STRAP: variants seen among roughly 807,000 people sequenced by gnomAD.
STRAP encodes serine/threonine kinase receptor associated protein.
In STRAP, 16 loss-of-function variants were observed where a neutral mutation model predicts 47.0. That is an observed-to-expected ratio of 0.34 (90% CI 0.23 to 0.52). The LOEUF is 0.52. Ranked by LOEUF, STRAP falls within the 20% of genes least tolerant of loss-of-function variation. STRAP has a pLI of 0.96. For missense variants in STRAP, 293 were observed against 420.0 expected, an observed-to-expected ratio of 0.70 and a Z score of 2.64; for synonymous variants, 130 against 142.7, an observed-to-expected ratio of 0.91 and a Z score of 0.63.
rs563519886 is a variant in STRAP, at chr12:15,901,140, A to G, written c.991+128A>G. 1.7e-5 allele frequency: 10 copies of G among 596,044 alleles called. No homozygotes were observed. In the South Asian group the frequency reaches 1.8e-4, roughly 11 times the overall value. The allele number at this position is 596,044 out of a possible 1,614,324, so 36.9% of individuals were successfully genotyped here. A position where few individuals can be genotyped will look rare whatever the true frequency, so the allele number is the denominator to read the frequency against. Reference sequence around the variant, plus strand: ...CATATTTAAATAATGGAAACTTTAAATATTTATGCATGTATATATACATAT... The same window carrying G: ...CATATTTAAATAATGGAAACTTTAAGTATTTATGCATGTATATATACATAT... On this transcript the variant is annotated intron_variant, in intron 9 of 9. Coordinates refer to ENST00000419869, the MANE Select transcript of STRAP (RefSeq NM_007178.4).
intron 4 of STRAP, among the ~76,000 whole-genome samples, chr12:15,891,734 G>A (rs926568662): frequency 1.3e-5 from 2 of 152,168 alleles, no homozygotes; most frequent in African/African-American, 2.4e-5. Context: ...CCTGAGGTCA[G>A]GAGTTCAATA....
At position 15,903,124 on chromosome 12, in the gene STRAP, T is replaced by C; in HGVS notation, c.*146T>C. ...GAATTAGCTCCAGTGCTGGAACAAC[T>C]AACTAACTTGGTGTTACCTGTAAGT... On this transcript the variant is annotated 3_prime_UTR_variant, in exon 10 of 10. Transcript: ENST00000419869. 2 of 835,724 alleles carry C rather than the reference T, an allele frequency of 2.4e-6. No homozygotes were observed. The highest frequency in any genetic ancestry group is 3.4e-6 in the Non-Finnish European group (2 of 588,824). 51.8% of individuals were successfully genotyped at this position (835,724 alleles called of 1,614,324 possible).
intron 4 of STRAP, among the ~76,000 whole-genome samples, chr12:15,892,072 C>G (rs1360065488): frequency 6.6e-6 from 1 of 152,068 alleles, no homozygotes; most frequent in Non-Finnish European, 1.5e-5. Context: ...CTAACTTTCT[C>G]TTTGTCAATT....
At chr12:15,891,818 G>A (rs373157225) in intron 4 of STRAP, among the ~76,000 whole-genome samples, 97 of 152,144 alleles carry the variant, frequency 6.4e-4, no homozygotes, top group African/African-American at 9.2e-4. Context: ...GGTGGCAGGC[G>A]CCTGTAATTC....
rs1357737821 is a variant in STRAP at position 15,890,347 on chromosome 12, A to G, written c.331-250A>G. On this transcript the variant is annotated intron_variant, in intron 3 of 9. Coordinates refer to ENST00000419869, the MANE Select transcript of STRAP (RefSeq NM_007178.4). This position sits in a 1 kb window ranked among gnomAD's most constrained non-coding sequence, Gnocchi z 4.5. ...GCCTCTCACAAGGGAGAGGAGTAGG[A>G]TCAGGGGAGAATGGGAGAGTTCATG... Among the ~76,000 whole-genome samples, 1 of 152,154 alleles carries G rather than the reference A, an allele frequency of 6.6e-6. No homozygotes were observed. Among genetic ancestry groups the G allele is most frequent in the Non-Finnish European group, 1.5e-5 (1 of 68,012 alleles).
intron 9 of STRAP, 119 bp from the exon 10 acceptor site, chr12:15,902,798 A>G: frequency 8.0e-7 from 1 of 1,257,054 alleles, no homozygotes; most frequent in South Asian, 1.8e-5. Flanking sequence ...TTCCCTTACC[A>G]CAGTATGCTT....
At chr12:15,901,432 A>G (rs1328095559) in intron 9 of STRAP, among the ~76,000 whole-genome samples, 1 of 152,138 alleles carries the variant, frequency 6.6e-6, no homozygotes, top group Admixed American at 6.5e-5. Context: ...TAGCAGGAAA[A>G]CTATGTTAAC....
intron 5 of STRAP, 136 bp from the exon 6 acceptor site, chr12:15,895,223 A>G: frequency 1.4e-6 from 1 of 691,034 alleles, no homozygotes; most frequent in East Asian, 3.2e-5. Context: ...AATCATCTGT[A>G]ATTTGTGACT....
At chr12:15,893,143 C>G (rs73321470) in intron 4 of STRAP, among the ~76,000 whole-genome samples, 4 of 151,990 alleles carry the variant, frequency 2.6e-5, no homozygotes, top group African/African-American at 9.7e-5. Context: ...TGAAGTTCTT[C>G]GAAAGGATAA....
chr12:15,898,545 T>A (rs929652059), intron 7 of STRAP, among the ~76,000 whole-genome samples: 8 of 152,110 alleles, frequency 5.3e-5, no homozygotes, highest in African/African-American at 1.7e-4. Context: ...TATCAGCTTT[T>A]TATTTATTCT....
intron 2 of STRAP, among the ~76,000 whole-genome samples, chr12:15,886,911 G>C (rs1405837364): frequency 2.0e-5 from 3 of 152,114 alleles, no homozygotes; most frequent in Non-Finnish European, 1.5e-5. Flanking sequence ...GTCCAGTGTT[G>C]AGTACAGTGT....
chr12:15,894,939 G>C lies in STRAP; in HGVS notation c.501-420G>C, dbSNP rs117563417. The stretch of plus-strand genomic sequence containing the variant: ...GGTCTGTGGGCAGAATGGTTAAAGG[G>C]AGGGACCATGAAGCCTCTGAAATTC... On this transcript the variant is annotated intron_variant, in intron 5 of 9. Coordinates refer to ENST00000419869, the MANE Select transcript of STRAP (RefSeq NM_007178.4). This position sits in a 1 kb window ranked among gnomAD's most constrained non-coding sequence, Gnocchi z 4.9. Among the ~76,000 whole-genome samples the C allele has an allele frequency of 2.4e-3, 366 of 152,260 alleles. 9 individuals carry two copies. Among genetic ancestry groups the C allele is most frequent in the East Asian group, 0.02 (106 of 5,172 alleles).
rs749702060 is a variant in STRAP at position 15,885,180 on chromosome 12, G to GTTTTTTTTTTTTT, written c.248+1517_248+1529dup. Reference sequence around the variant, plus strand: ...TAAGAGGCTAGAGAGTACAAGTGGTGTTTTTTTTTTTTTTTTTTTTTTTTT... The same window carrying GTTTTTTTTTTTTT: ...TAAGAGGCTAGAGAGTACAAGTGGTGTTTTTTTTTTTTTTTTTTTTTTTTTTTTTTTTTTTTTT... On this transcript the variant is annotated intron_variant, in intron 2 of 9. Transcript: ENST00000419869. 4.4e-4 allele frequency among the ~76,000 whole-genome samples: 44 copies of GTTTTTTTTTTTTT among 99,562 alleles called. 3 individuals are homozygous for GTTTTTTTTTTTTT. The highest frequency in any genetic ancestry group is 1.8e-3 in the African/African-American group (42 of 23,344). The allele number at this position is 99,562 out of a possible 152,430, so 65.3% of individuals were successfully genotyped here.
intron 2 of STRAP, among the ~76,000 whole-genome samples, chr12:15,889,511 A>G (rs1385355284): frequency 2.0e-5 from 3 of 151,874 alleles, no homozygotes; most frequent in East Asian, 3.9e-4. Flanking sequence ...TTTATTTTTT[A>G]TTGTGCATCT....
At position 15,890,597 on chromosome 12, in the gene STRAP, G is replaced by T. The variant is rs765899633; in HGVS notation, c.331G>T (p.Asp111Tyr). Residue 111 changes from aspartate (D) to tyrosine (Y), a missense_variant and splice_region_variant, in exon 4 of 10, where the codon GAT (aspartate) becomes TAT (tyrosine). Physicochemically the swap from Asp to Tyr is radical, Grantham distance 160. This residue lies in a region of STRAP where 152 missense variants were observed against 183.0 expected (regional missense o/e 0.83). Transcript: ENST00000419869. The surrounding 1 kb of genome is among the most constrained non-coding windows in gnomAD (Gnocchi z 4.5). ...TTCACATTTTACTTTGTGTTTTCAG[G>T]ATAGTAATTATTTGTTAACCGGGGG... is the stretch of plus-strand genomic sequence containing the variant. The part of the protein sequence containing the change: ...HIVKTVDFTQ[D>Y]SNYLLTGGQD... 4.4e-6 allele frequency: 7 copies of T among 1,608,576 alleles called. No individual in the cohort carries two copies. Among genetic ancestry groups the T allele is most frequent in the Non-Finnish European group, 5.9e-6 (7 of 1,177,648 alleles).
rs1264602171 is a variant in STRAP at position 15,901,044 on chromosome 12, T to C, written c.991+32T>C. The C allele has an allele frequency of 2.0e-6, 3 of 1,497,904 alleles. No homozygotes were observed. The African/African-American group carries it at 4.2e-5, about 21-fold the overall frequency. The allele number at this position is 1,497,904 out of a possible 1,614,324, so 92.8% of individuals were successfully genotyped here. A position where few individuals can be genotyped will look rare whatever the true frequency, so the allele number is the denominator to read the frequency against. ...GCTATGGAATTGACTTTTGTAAGAGTCTTGGGGGATTTAAAATTGAACTGT... is the reference window on the plus strand; with the variant it reads ...GCTATGGAATTGACTTTTGTAAGAGCCTTGGGGGATTTAAAATTGAACTGT... On this transcript the variant is annotated intron_variant, in intron 9 of 9. Transcript: ENST00000419869.
intron 2 of STRAP, 145 bp downstream of exon 2, chr12:15,883,821 C>A: frequency 9.7e-7 from 1 of 1,026,916 alleles, no homozygotes; most frequent in Non-Finnish European, 1.4e-6. Flanking sequence ...AAAATTCCAT[C>A]GTGGTCCATC....
intron 7 of STRAP, 70 bp downstream of exon 7, chr12:15,898,088 T>TTATATA: frequency 5.0e-6 from 6 of 1,197,060 alleles, no homozygotes; most frequent in South Asian, 1.5e-5. Context: ...AACACCTCAT[T>TTATATA]TATATATATA....
rs11830483 is a variant in STRAP, at chr12:15,887,181, T to A, written c.249-2747T>A. ...ATGTTAAGGTATTTGGGCAATTTTT[T>A]AAAAATCTTAAACTGGCCTGTTTTG... On this transcript the variant is annotated intron_variant, in intron 2 of 9. Transcript: ENST00000419869. This position sits in a 1 kb window ranked among gnomAD's most constrained non-coding sequence, Gnocchi z 5.5. 0.066 allele frequency among the ~76,000 whole-genome samples: 10,117 copies of A among 152,230 alleles called. 1,083 individuals carry two copies. Among genetic ancestry groups the A allele is most frequent in the African/African-American group, 0.22 (9,305 of 41,508 alleles).
Sources: allele counts gnomAD v4.1 joint callset (sites outside exome capture counted in the v4.1 genomes callset), GRCh38; gene constraint gnomAD v4.1.1; regional missense constraint gnomAD v4.1.1; non-coding constraint Gnocchi (gnomAD v3.1); transcripts MANE v1.5; gene names NCBI Gene and HGNC (gene_info 2026-07-23, HGNC 2026-07-21).